TRIM67: variants seen among roughly 807,000 people sequenced by gnomAD.
TRIM67 encodes the protein tripartite motif-containing protein 67.
Under a neutral mutation model 71.0 loss-of-function variants are expected in TRIM67, and 39 were observed. The observed-to-expected ratio is 0.55, with a 90% confidence interval of 0.43 to 0.72. The LOEUF is 0.72. Ranked by LOEUF, TRIM67 falls within the 30% of genes least tolerant of loss-of-function variation. The pLI, the probability that TRIM67 is intolerant of heterozygous loss-of-function variation, is 0.00. For synonymous variants in TRIM67, 481 were observed against 473.9 expected (o/e 1.01, Z -0.19); for missense variants, 973 against 1,079.2 (o/e 0.90, Z 1.38).
Position 231,203,937 on chromosome 1 carries a change from G to T in TRIM67, c.1605G>T (p.Arg535Ser). Reference protein sequence around the residue: ...TRNNSVTLAWRMPPFTHSPVD... With the variant: ...TRNNSVTLAWSMPPFTHSPVD... ...ACAACAGCGTCACGCTGGCCTGGAGGATGCCACCCTTCACCCACAGCCCCG... is the reference window on the plus strand; with the variant it reads ...ACAACAGCGTCACGCTGGCCTGGAGTATGCCACCCTTCACCCACAGCCCCG... Residue 535 changes from arginine to serine, a missense_variant, in exon 6 of 10, where the codon AGG becomes AGT. Around this residue, in one of 2 missense-constraint regions of TRIM67, gnomAD observed 795 missense variants for 831.3 expected, o/e 0.96. Transcript: ENST00000366653. 2 of 1,613,998 alleles carry T rather than the reference G, an allele frequency of 1.2e-6. No individual in the cohort carries two copies. The highest frequency in any genetic ancestry group is 1.7e-6 in the Non-Finnish European group (2 of 1,179,882).
In TRIM67 at chr1:231,209,116, C is replaced by T. The variant is rs1172475217; in HGVS notation, c.1989C>T (p.His663=). ...WELHVDRYDN[H]PDPAFGVARA... is the part of the protein sequence containing the mutation. Reference sequence around the variant, plus strand: ...TGCACGTGGACCGGTACGACAACCACCCAGACCCCGCCTTCGGGGTGGCCA... The same window carrying T: ...TGCACGTGGACCGGTACGACAACCATCCAGACCCCGCCTTCGGGGTGGCCA... The change falls in exon 8 of 10, where the codon CAC becomes CAT. Residue 663 remains histidine (H), a synonymous_variant. Transcript: ENST00000366653. The surrounding 1 kb of genome is among the most constrained non-coding windows in gnomAD (Gnocchi z 4.1). 1.2e-6 allele frequency: 2 copies of T among 1,614,000 alleles called. No individual in the cohort carries two copies. The highest frequency in any genetic ancestry group is 2.2e-5 in the East Asian group (1 of 44,876).
intron 8 of TRIM67, among the ~76,000 whole-genome samples, chr1:231,213,382 A>ACCACC (rs989742360): frequency 1.3e-5 from 2 of 152,188 alleles, no homozygotes; most frequent in African/African-American, 2.4e-5. Context: ...AGAGCACCTC[A>ACCACC]CCACCACCTT....
chr1:231,190,904 C>T (rs540078365), intron 1 of TRIM67, among the ~76,000 whole-genome samples: 1 of 152,320 alleles, frequency 6.6e-6, no homozygotes, highest in South Asian at 2.1e-4. Context: ...CCTCCTCCCT[C>T]TCTCATCCCT....
At chr1:231,171,418 G>C (rs1176211013) in intron 1 of TRIM67, among the ~76,000 whole-genome samples, 1 of 152,182 alleles carries the variant, frequency 6.6e-6, no homozygotes, top group Admixed American at 6.5e-5. Flanking sequence ...TTAGCTGTTT[G>C]TACCTTGGGT....
chr1:231,208,939 C>T lies in TRIM67; in HGVS notation c.1820-8C>T, dbSNP rs375664315. 4.5e-6 allele frequency: 7 copies of T among 1,565,452 alleles called. No individual in the cohort carries two copies. The highest frequency in any genetic ancestry group is 2.3e-5 in the East Asian group (1 of 44,062). ...TGACCCTGCTCCTCTCACCTCCTCCCTTTTTAGTGGCCTGGTTCACATTTG... is the reference window on the plus strand; with the variant it reads ...TGACCCTGCTCCTCTCACCTCCTCCTTTTTTAGTGGCCTGGTTCACATTTG... On this transcript the variant is annotated splice_region_variant and splice_polypyrimidine_tract_variant and intron_variant, in intron 7 of 9. Transcript: ENST00000366653.
intron 5 of TRIM67, 73 bp downstream of exon 5, chr1:231,201,590 G>T (rs1245586627): frequency 3.3e-6 from 5 of 1,516,874 alleles, no homozygotes; most frequent in Non-Finnish European, 4.4e-6. Context: ...GGCCAGCTCG[G>T]TGCCATAGGG....
At chr1:231,185,817 G>A (rs2102732837) in intron 1 of TRIM67, among the ~76,000 whole-genome samples, 1 of 152,024 alleles carries the variant, frequency 6.6e-6, no homozygotes, top group East Asian at 1.9e-4. Context: ...AGGTAAGCGA[G>A]AGGTGATGGC....
At chr1:231,188,054 C>G (rs1479695907) in intron 1 of TRIM67, among the ~76,000 whole-genome samples, 1 of 152,188 alleles carries the variant, frequency 6.6e-6, no homozygotes, top group Non-Finnish European at 1.5e-5. Context: ...CTCACAGAGA[C>G]ATCTTTGTGA....
rs537444836 is a variant in TRIM67 at position 231,187,830 on chromosome 1, A to C, written c.1045-9541A>C. 2.6e-4 allele frequency among the ~76,000 whole-genome samples: 40 copies of C among 152,332 alleles called. 1 individual carries two copies. The highest frequency in any genetic ancestry group is 1.9e-3 in the Admixed American group (29 of 15,300). ...CTTCTGGAGAGAGACCCAGGCAGGCAGATGCTTGGTTAGGCTGTGGGAACA... is the reference window on the plus strand; with the variant it reads ...CTTCTGGAGAGAGACCCAGGCAGGCCGATGCTTGGTTAGGCTGTGGGAACA... On this transcript the variant is annotated intron_variant, in intron 1 of 9. Coordinates refer to ENST00000366653, the MANE Select transcript of TRIM67 (RefSeq NM_001004342.5).
intron 1 of TRIM67, among the ~76,000 whole-genome samples, chr1:231,191,667 G>A (rs1034107539): frequency 2.0e-5 from 3 of 152,162 alleles, no homozygotes; most frequent in Non-Finnish European, 2.9e-5. Context: ...TTAACACCCA[G>A]AAGTCATAAA....
At chr1:231,195,881 G>A (rs1475820995) in intron 1 of TRIM67, among the ~76,000 whole-genome samples, 2 of 152,184 alleles carry the variant, frequency 1.3e-5, no homozygotes, top group Admixed American at 6.5e-5. Flanking sequence ...TCAACAAATC[G>A]CCCAGTGATG....
chr1:231,201,883 C>T (rs971470920), intron 5 of TRIM67, among the ~76,000 whole-genome samples: 6 of 152,332 alleles, frequency 3.9e-5, no homozygotes, highest in East Asian at 1.9e-4. Flanking sequence ...ATTGGGCTTA[C>T]GCTCTCGAGA....
intron 1 of TRIM67, among the ~76,000 whole-genome samples, chr1:231,181,028 C>A (rs1316068917): frequency 6.6e-6 from 1 of 152,138 alleles, no homozygotes; most frequent in Admixed American, 6.5e-5. Context: ...TACAGTGGTG[C>A]GATCTCAGCT....
intron 1 of TRIM67, among the ~76,000 whole-genome samples, chr1:231,181,080 C>A (rs1682893113): frequency 6.6e-6 from 1 of 152,226 alleles, no homozygotes; most frequent in African/African-American, 2.4e-5. Context: ...ATTCTCCTGC[C>A]TCAGCCTCCC....
At chr1:231,175,884 TG>T (rs1682734770) in intron 1 of TRIM67, among the ~76,000 whole-genome samples, 1 of 152,204 alleles carries the variant, frequency 6.6e-6, no homozygotes, top group African/African-American at 2.4e-5. Context: ...GAGGCTCCTC[TG>T]GTTTGCAAAA....
chr1:231,217,923 C>G lies in TRIM67; in HGVS notation c.*2483C>G, dbSNP rs1684056447. On this transcript the variant is annotated 3_prime_UTR_variant, in exon 10 of 10. Coordinates refer to ENST00000366653, the MANE Select transcript of TRIM67 (RefSeq NM_001004342.5). ...TCCAGAGAGGTGCAGCCAGGACTCC[C>G]TCCTCCCCACTGCCACCCTGAGCTT... 3 of 1,282,522 alleles carry G rather than the reference C, an allele frequency of 2.3e-6. No individual in the cohort carries two copies. Among genetic ancestry groups the G allele is most frequent in the Non-Finnish European group, 2.0e-6 (2 of 985,612 alleles). 79.4% of individuals were successfully genotyped at this position (1,282,522 alleles called of 1,614,324 possible).
chr1:231,207,485 C>T (rs1683737450), intron 7 of TRIM67, among the ~76,000 whole-genome samples: 1 of 152,202 alleles, frequency 6.6e-6, no homozygotes, highest in Admixed American at 6.5e-5. Context: ...GAATCACATT[C>T]CAAAGAGAGT....
intron 1 of TRIM67, among the ~76,000 whole-genome samples, chr1:231,179,273 C>G (rs1472555471): frequency 6.6e-6 from 1 of 152,240 alleles, no homozygotes; most frequent in African/African-American, 2.4e-5. Flanking sequence ...CATTCTCCCT[C>G]TGTGCATGCA....
At chr1:231,202,265 G>GTAA (rs1683573029) in intron 5 of TRIM67, among the ~76,000 whole-genome samples, 1 of 21,948 alleles carries the variant, frequency 4.6e-5, no homozygotes, top group African/African-American at 1.7e-4. Context: ...GGAGGAGGTG[G>GTAA]TGGCGGAGGA....
Sources: allele counts gnomAD v4.1 joint callset (sites outside exome capture counted in the v4.1 genomes callset), GRCh38; gene constraint gnomAD v4.1.1; regional missense constraint gnomAD v4.1.1; non-coding constraint Gnocchi (gnomAD v3.1); transcripts MANE v1.5; gene names NCBI Gene and HGNC (gene_info 2026-07-23, HGNC 2026-07-21).